Variants in TEKT1 observed in about 807,000 individuals in gnomAD.
TEKT1 encodes the protein tektin 1.
In TEKT1, 32 loss-of-function variants were observed where a neutral mutation model predicts 34.8. The ratio of observed to expected loss-of-function variants is 0.92; its 90% CI spans 0.69 to 1.23. TEKT1 has a LOEUF of 1.23. Ranked by LOEUF, TEKT1 falls within the 50% of genes most tolerant of loss-of-function variation. The pLI, the probability that TEKT1 is intolerant of heterozygous loss-of-function variation, is 0.00. For missense variants in TEKT1, 492 were observed against 518.5 expected (o/e 0.95, Z 0.50); for synonymous variants, 207 against 199.8 (o/e 1.04, Z -0.30).
At chr17:6,806,398 T>C (rs1976844409) in intron 6 of TEKT1, among the ~76,000 whole-genome samples, 5 of 152,184 alleles carry the variant, frequency 3.3e-5, no homozygotes, top group Admixed American at 3.3e-4. Context: ...TACAGCACAC[T>C]GATGGGTCTT....
chr17:6,805,913 C>T (rs991293732), intron 6 of TEKT1, among the ~76,000 whole-genome samples: 20 of 151,930 alleles, frequency 1.3e-4, no homozygotes, highest in African/African-American at 3.6e-4. Context: ...GGAATAAGTG[C>T]GGTGTGGTGC....
intron 2 of TEKT1, among the ~76,000 whole-genome samples, chr17:6,820,527 TTA>T (rs1977072696): frequency 6.6e-6 from 1 of 152,204 alleles, no homozygotes. Flanking sequence ...CAACATGACA[TTA>T]TGAGATAGTA....
At position 6,830,222 on chromosome 17, in the gene TEKT1, G is replaced by A. The variant is rs1262308201; in HGVS notation, c.155C>T (p.Thr52Ile). The A allele has an allele frequency of 1.2e-6, 2 of 1,609,500 alleles. No homozygotes were observed. The highest frequency in any genetic ancestry group is 1.3e-5 in the African/African-American group (1 of 74,496). The change falls in exon 2 of 8, where the codon ACA becomes ATA. Residue 52 changes from threonine to isoleucine, a missense_variant. Thr to Ile is a moderately conservative substitution (Grantham distance 89). Coordinates refer to ENST00000338694, the MANE Select transcript of TEKT1 (RefSeq NM_053285.2). The stretch of plus-strand genomic sequence containing the variant: ...GTTCACATCGCTTTGAGATTTTCTT[G>A]TGGTCTTTTCAATTTCATCCACAAG... Reference protein sequence around the residue: ...QRLVDEIEKTTRKSQSDVNKK... With the variant: ...QRLVDEIEKTIRKSQSDVNKK...
intron 6 of TEKT1, among the ~76,000 whole-genome samples, chr17:6,808,403 C>T (rs1976878766): frequency 6.6e-6 from 1 of 152,178 alleles, no homozygotes; most frequent in South Asian, 2.1e-4. Flanking sequence ...TTCCCTGACC[C>T]CTTGCACTTC....
chr17:6,829,243 CTT>C (rs1346996340), intron 2 of TEKT1, among the ~76,000 whole-genome samples: 5 of 152,138 alleles, frequency 3.3e-5, no homozygotes, highest in Non-Finnish European at 5.9e-5. Flanking sequence ...TCTAGAAAAA[CTT>C]TTCCAATTTT....
chr17:6,809,446 G>A (rs1326000373), intron 6 of TEKT1, among the ~76,000 whole-genome samples: 1 of 152,066 alleles, frequency 6.6e-6, no homozygotes, highest in Non-Finnish European at 1.5e-5. Flanking sequence ...TGGCCAAGCT[G>A]GTCTTGAACC....
intron 2 of TEKT1, among the ~76,000 whole-genome samples, chr17:6,821,267 G>C (rs149721448): frequency 6.6e-6 from 1 of 152,206 alleles, no homozygotes; most frequent in Admixed American, 6.5e-5. Context: ...CTTGGTGGGA[G>C]ATAATTGGAT....
In TEKT1 at chr17:6,830,283, AC is replaced by A. The variant is rs767638934; in HGVS notation, c.93del (p.Arg31SerfsTer29). ...TCTGCGACCAGGCGTTCTGATCGGG[AC>A]CTTTGAGCGTCTGCTCTGTGGTACT... ...KNQYHRADAQ[R>X]SRSERLVAES... On this transcript the variant is annotated frameshift_variant, in exon 2 of 8. Coordinates refer to ENST00000338694, the MANE Select transcript of TEKT1 (RefSeq NM_053285.2). LOFTEE classifies it high-confidence loss of function. The A allele has an allele frequency of 6.2e-7, 1 of 1,613,446 alleles. No homozygotes were observed. The highest frequency in any genetic ancestry group is 1.3e-5 in the African/African-American group (1 of 74,924).
chr17:6,821,109 A>G lies in TEKT1; in HGVS notation c.191-1751T>C, dbSNP rs183556447. On this transcript the variant is annotated intron_variant, in intron 2 of 7. Transcript: ENST00000338694. The stretch of plus-strand genomic sequence containing the variant: ...CCACTCTGAAAAATTTTAGTAATCT[A>G]TTTTCCTAGGGTCCTGAAATTTCAC... Among the ~76,000 whole-genome samples, 71 of 152,030 alleles carry G rather than the reference A, an allele frequency of 4.7e-4. 1 individual carries two copies. Among genetic ancestry groups the G allele is most frequent in the Non-Finnish European group, 1.5e-5 (1 of 67,972 alleles).
At chr17:6,824,364 G>A (rs577817076) in intron 2 of TEKT1, among the ~76,000 whole-genome samples, 5 of 152,026 alleles carry the variant, frequency 3.3e-5, no homozygotes, top group Non-Finnish European at 5.9e-5. Flanking sequence ...CCAAAATCAA[G>A]GTCTTCCTCA....
chr17:6,826,370 G>T (rs1904395509), intron 2 of TEKT1, among the ~76,000 whole-genome samples: 1 of 151,964 alleles, frequency 6.6e-6, no homozygotes, highest in Admixed American at 6.6e-5. Context: ...TATATATATT[G>T]CAAATATCTT....
In TEKT1 at chr17:6,800,054, C is replaced by G; in HGVS notation, c.1230G>C (p.Gly410=). 1 of 1,611,088 alleles carries G rather than the reference C, an allele frequency of 6.2e-7. No individual in the cohort carries two copies. The highest frequency in any genetic ancestry group is 8.5e-7 in the Non-Finnish European group (1 of 1,179,996). ...AGCAGACAGCATCAGGGCGGAGGCC[C>G]CCAGCCCAGACCCCATGGTCTTCCC... ...RDGEDHGVWA[G]GLRPDAVC Residue 410 remains glycine (G), a synonymous_variant, in exon 8 of 8, where the codon GGG becomes GGC. Coordinates refer to ENST00000338694, the MANE Select transcript of TEKT1 (RefSeq NM_053285.2).
At chr17:6,802,555 A>T (rs553186712) in intron 6 of TEKT1, among the ~76,000 whole-genome samples, 1 of 152,024 alleles carries the variant, frequency 6.6e-6, no homozygotes, top group African/African-American at 2.4e-5. Flanking sequence ...ATATGTATAC[A>T]TGTGCCATGT....
At chr17:6,831,612 GGTA>G (rs1210342299) in intron 1 of TEKT1, 34 bp downstream of exon 1, 1 of 152,038 alleles carries the variant, frequency 6.6e-6, no homozygotes. Context: ...GAGGGTTGCG[GGTA>G]GGGGTCGGTG....
chr17:6,818,388 G>A (rs974052192), intron 3 of TEKT1, among the ~76,000 whole-genome samples: 2 of 152,140 alleles, frequency 1.3e-5, no homozygotes, highest in Non-Finnish European at 2.9e-5. Flanking sequence ...CTGGAAACCA[G>A]CATCACCCCA....
intron 6 of TEKT1, among the ~76,000 whole-genome samples, chr17:6,810,126 G>C (rs996861289): frequency 6.6e-6 from 1 of 152,190 alleles, no homozygotes; most frequent in Admixed American, 6.5e-5. Context: ...AGTTCCTGTT[G>C]CTCCACATCC....
intron 6 of TEKT1, among the ~76,000 whole-genome samples, chr17:6,802,954 A>T: frequency 6.6e-6 from 1 of 152,122 alleles, no homozygotes; most frequent in Non-Finnish European, 1.5e-5. Context: ...CATTATTTAT[A>T]ATCCTTTGGG....
intron 6 of TEKT1, among the ~76,000 whole-genome samples, chr17:6,802,917 A>G (rs144827958): frequency 7.9e-4 from 121 of 152,288 alleles, no homozygotes; most frequent in Middle Eastern, 3.4e-3. Flanking sequence ...CACAATAAAC[A>G]TACGTGTGCA....
At position 6,800,148 on chromosome 17, in the gene TEKT1, T is replaced by C; in HGVS notation, c.1136A>G (p.Lys379Arg). 6.2e-7 allele frequency: 1 copy of C among 1,614,220 alleles called. No homozygotes were observed. Residue 379 changes from lysine (K) to arginine (R), a missense_variant, in exon 8 of 8, where the codon AAA becomes AGA. Coordinates refer to ENST00000338694, the MANE Select transcript of TEKT1 (RefSeq NM_053285.2). ...TTCGTCGATATAAATGGTGTTCTCT[T>C]TGACCTGGATCTCCTCCTGCAGGGC... ...QLALQEEIQV[K>R]ENTIYIDEVL... is the part of the protein sequence containing the mutation.
Sources: allele counts gnomAD v4.1 joint callset (sites outside exome capture counted in the v4.1 genomes callset), GRCh38; gene constraint gnomAD v4.1.1; transcripts MANE v1.5; gene names NCBI Gene and HGNC (gene_info 2026-07-23, HGNC 2026-07-21).